Variants in VWDE observed in about 807,000 individuals in gnomAD.
VWDE encodes the protein von Willebrand factor D and EGF domain-containing protein.
VWDE carries 207 observed loss-of-function variants against 178.4 expected under a neutral mutation model. That is an observed-to-expected ratio of 1.16 (90% CI 1.04 to 1.30). VWDE has a LOEUF of 1.30. VWDE is among the 50% of genes most tolerant of loss of function. The pLI, the probability that VWDE is intolerant of heterozygous loss-of-function variation, is 0.00. For synonymous variants in VWDE, 738 were observed against 651.4 expected, an observed-to-expected ratio of 1.13 and a Z score of -2.02; for missense variants, 2,287 against 1,901.3, an observed-to-expected ratio of 1.20 and a Z score of -3.77.
In VWDE at chr7:12,373,068, A is replaced by G. The variant is rs1562498333; in HGVS notation, c.1496T>C (p.Leu499Pro). Residue 499 changes from leucine (L) to proline (P), a missense_variant, in exon 10 of 29, where the codon CTA (leucine) becomes CCA (proline). Leu to Pro is a moderately conservative substitution (Grantham distance 98, BLOSUM62 -3). Transcript: ENST00000275358. Reference sequence around the variant, plus strand: ...GAACAAATATGGTTGTGATTCACGTAGCTGACCATTGCACATATCAAAAGT... The same window carrying G: ...GAACAAATATGGTTGTGATTCACGTGGCTGACCATTGCACATATCAAAAGT... Reference protein sequence around the residue: ...IVTFDMCNGQLRESQPYLFIK... With the variant: ...IVTFDMCNGQPRESQPYLFIK... 6.4e-7 allele frequency: 1 copy of G among 1,551,304 alleles called. No individual in the cohort carries two copies. Among genetic ancestry groups the G allele is most frequent in the Admixed American group, 2.0e-5 (1 of 50,968 alleles).
At chr7:12,379,198 C>T (rs568401985) in intron 6 of VWDE, among the ~76,000 whole-genome samples, 2 of 152,304 alleles carry the variant, frequency 1.3e-5, no homozygotes, top group African/African-American at 4.8e-5. Context: ...ACTTTCGTTA[C>T]ACGATGGAAT....
intron 19 of VWDE, among the ~76,000 whole-genome samples, chr7:12,345,038 G>A (rs10259100): frequency 0.32 from 49,322 of 151,798 alleles, 9,019 homozygotes; most frequent in Admixed American, 0.45. Context: ...CTGTATAATG[G>A]GAAAAATAAT....
At chr7:12,385,178 T>C (rs1784039597) in intron 3 of VWDE, among the ~76,000 whole-genome samples, 1 of 152,166 alleles carries the variant, frequency 6.6e-6, no homozygotes, top group African/African-American at 2.4e-5. Flanking sequence ...TACACATATA[T>C]ATGAATTCTG....
At chr7:12,388,185 C>T (rs959922952) in intron 3 of VWDE, among the ~76,000 whole-genome samples, 4 of 152,038 alleles carry the variant, frequency 2.6e-5, no homozygotes, top group African/African-American at 9.6e-5. Flanking sequence ...TTAGTGTGTT[C>T]TTTAATTTGA....
At chr7:12,338,879 C>A (rs973386814) in intron 24 of VWDE, among the ~76,000 whole-genome samples, 2 of 152,042 alleles carry the variant, frequency 1.3e-5, no homozygotes, top group Admixed American at 1.3e-4. Context: ...TTTCTATCTT[C>A]CTCTTTTAAA....
chr7:12,332,368 C>A (rs1441024439), intron 28 of VWDE, among the ~76,000 whole-genome samples: 1 of 151,968 alleles, frequency 6.6e-6, no homozygotes, highest in Non-Finnish European at 1.5e-5. Flanking sequence ...TAAATGCATT[C>A]TTAGAAGCAG....
At chr7:12,384,958 T>C (rs1182705929) in intron 3 of VWDE, among the ~76,000 whole-genome samples, 1 of 151,470 alleles carries the variant, frequency 6.6e-6, no homozygotes, top group Non-Finnish European at 1.5e-5. Flanking sequence ...ATGATGCTAC[T>C]TCACATGTAG....
chr7:12,357,855 C>G (rs765691463), intron 16 of VWDE, among the ~76,000 whole-genome samples: 2 of 152,150 alleles, frequency 1.3e-5, no homozygotes, highest in Non-Finnish European at 2.9e-5. Flanking sequence ...TACTCTCTCT[C>G]TCTCTGGCTG....
At position 12,340,431 on chromosome 7, in the gene VWDE, G is replaced by A. The variant is rs1250280630; in HGVS notation, c.4271-14C>T. On this transcript the variant is annotated splice_polypyrimidine_tract_variant and intron_variant, in intron 23 of 28. Coordinates refer to ENST00000275358, the MANE Select transcript of VWDE (RefSeq NM_001135924.3). Reference sequence around the variant, plus strand: ...GGTCGCACAAAGCTAATAAACAGCAGGAGGAAAAGAGAACATAAAAGTTTT... The same window carrying A: ...GGTCGCACAAAGCTAATAAACAGCAAGAGGAAAAGAGAACATAAAAGTTTT... 14 of 1,534,288 alleles carry A rather than the reference G, an allele frequency of 9.1e-6. No individual in the cohort carries two copies. The highest frequency in any genetic ancestry group is 1.2e-5 in the South Asian group (1 of 81,694).
chr7:12,340,944 G>C (rs906983930), intron 23 of VWDE, among the ~76,000 whole-genome samples: 1 of 151,876 alleles, frequency 6.6e-6, no homozygotes. Flanking sequence ...CTTTATTTTT[G>C]TTTTGCTTTG....
chr7:12,395,001 T>C (rs1784557889), intron 1 of VWDE, among the ~76,000 whole-genome samples: 1 of 152,144 alleles, frequency 6.6e-6, no homozygotes, highest in Admixed American at 6.5e-5. Context: ...TAGAATTATA[T>C]TTCTGCTTTT....
At chr7:12,396,752 C>T (rs1784643107) in intron 1 of VWDE, among the ~76,000 whole-genome samples, 1 of 133,478 alleles carries the variant, frequency 7.5e-6, no homozygotes, top group Non-Finnish European at 1.5e-5. Flanking sequence ...CCCATCTCTA[C>T]TTAAAAAAAA....
intron 7 of VWDE, among the ~76,000 whole-genome samples, chr7:12,377,314 G>A (rs1370772073): frequency 6.6e-6 from 1 of 152,144 alleles, no homozygotes; most frequent in Non-Finnish European, 1.5e-5. Flanking sequence ...GTACGTTAGG[G>A]AGAGAAACTT....
At chr7:12,346,814 G>C (rs953901119) in intron 19 of VWDE, among the ~76,000 whole-genome samples, 2 of 151,944 alleles carry the variant, frequency 1.3e-5, no homozygotes, top group Non-Finnish European at 2.9e-5. Context: ...TTCATGCAAA[G>C]CTCTTCTCAA....
chr7:12,389,639 G>A (rs848014), intron 2 of VWDE, among the ~76,000 whole-genome samples: 14,167 of 152,112 alleles, frequency 0.093, 777 homozygotes, highest in African/African-American at 0.15. Flanking sequence ...AGGGAAATTA[G>A]ATCTCAGATA....
chr7:12,336,194 G>T lies in VWDE; in HGVS notation c.4601C>A (p.Ala1534Glu). ...QKCKNGGECIAPSICHCPSSW... is the reference protein window; with the variant it reads ...QKCKNGGECIEPSICHCPSSW... ...GGAAGGACAATGGCATATGCTGGGC[G>T]CAATGCATTCACCACCGTTTTTACA... Residue 1534 changes from alanine (A) to glutamate (E), a missense_variant, in exon 27 of 29, where the codon GCG becomes GAG. By Grantham distance (107) the Ala-to-Glu change is moderately radical (BLOSUM62 -1). Transcript: ENST00000275358. 6.4e-7 allele frequency: 1 copy of T among 1,551,310 alleles called. No individual in the cohort carries two copies. The highest frequency in any genetic ancestry group is 8.7e-7 in the Non-Finnish European group (1 of 1,146,872).
At chr7:12,377,328 G>T (rs563472792) in intron 7 of VWDE, among the ~76,000 whole-genome samples, 7 of 152,212 alleles carry the variant, frequency 4.6e-5, no homozygotes, top group African/African-American at 1.7e-4. Context: ...GAAACTTGAA[G>T]GATGCATTAT....
intron 8 of VWDE, 22 bp from the exon 9 acceptor site, chr7:12,374,784 G>C (rs1252484246): frequency 4.1e-6 from 6 of 1,455,764 alleles, no homozygotes; most frequent in Non-Finnish European, 5.6e-6. Context: ...AGATATTTTT[G>C]GTAAATATTA....
At chr7:12,345,765 C>T (rs10262667) in intron 19 of VWDE, among the ~76,000 whole-genome samples, 40,299 of 151,980 alleles carry the variant, frequency 0.27, 6,946 homozygotes, top group African/African-American at 0.49. Flanking sequence ...ACTGAGACTA[C>T]GATCCACATG....
Sources: gnomAD v4.1 joint callset for allele counts (sites outside exome capture counted in the v4.1 genomes callset) on GRCh38, gnomAD v4.1.1 for gene constraint, MANE v1.5 for transcripts, NCBI Gene and HGNC (gene_info 2026-07-23, HGNC 2026-07-21) for gene names.